The following NCOA6 variants were observed in gnomAD, a reference collection of about 807,000 sequenced individuals.
NCOA6 encodes nuclear receptor coactivator 6.
In NCOA6, 49 loss-of-function variants were observed where a neutral mutation model predicts 171.4. The observed-to-expected ratio is 0.29, with a 90% CI of 0.23 to 0.36. The LOEUF (loss-of-function observed/expected upper bound fraction) is 0.36, where lower values mean the gene tolerates loss of function less well. Ranked by LOEUF, NCOA6 falls within the 10% of genes least tolerant of loss-of-function variation. NCOA6 has a pLI of 1.00. For missense variants in NCOA6, 2,248 were observed against 2,554.5 expected, an observed-to-expected ratio of 0.88 and a Z score of 2.59; for synonymous variants, 910 against 927.5, an observed-to-expected ratio of 0.98 and a Z score of 0.34.
chr20:34,806,438 G>C (rs1270702056), intron 1 of NCOA6, among the ~76,000 whole-genome samples: 1 of 152,074 alleles, frequency 6.6e-6, no homozygotes, highest in Non-Finnish European at 1.5e-5. Flanking sequence ...TTTTGTTTTT[G>C]TTGCCTGTGC....
rs2078737148 is a variant in NCOA6 at position 34,813,458 on chromosome 20, T to G, written c.-164+12014A>C. 3.4e-5 allele frequency among the ~76,000 whole-genome samples: 5 copies of G among 148,700 alleles called. No individual in the cohort carries two copies. In the South Asian group the frequency reaches 1.1e-3, roughly 31 times the overall value. On this transcript the variant is annotated intron_variant, in intron 1 of 14. Coordinates refer to ENST00000359003, the MANE Select transcript of NCOA6 (RefSeq NM_014071.5). ...TCCAGTCTGGGCAACAGAGTGAAAC[T>G]CTGTCTTAAAAAAAAAAAAAAAAGG... is the stretch of plus-strand genomic sequence containing the variant.
Position 34,741,870 on chromosome 20 carries a change from C to A in NCOA6, c.4386G>T (p.Gly1462=). The change falls in exon 11 of 15, where the codon GGG becomes GGT. Residue 1462 remains glycine, a synonymous_variant. Coordinates refer to ENST00000359003, the MANE Select transcript of NCOA6 (RefSeq NM_014071.5). The part of the protein sequence containing the change: ...VVPEDQSKKD[G]QPSDPNKLPS... ...GAAGTTTGTTAGGATCCGAAGGCTGCCCATCCTTTTTGGACTGATCTTCAG... is the reference window on the plus strand; with the variant it reads ...GAAGTTTGTTAGGATCCGAAGGCTGACCATCCTTTTTGGACTGATCTTCAG... 6.2e-7 allele frequency: 1 copy of A among 1,614,160 alleles called. No individual in the cohort carries two copies.
intron 5 of NCOA6, among the ~76,000 whole-genome samples, chr20:34,765,181 G>C (rs914781167): frequency 2.6e-5 from 4 of 151,442 alleles, no homozygotes; most frequent in African/African-American, 7.3e-5. Flanking sequence ...GGCTGGGCGC[G>C]ATGGCTCACA....
intron 1 of NCOA6, among the ~76,000 whole-genome samples, chr20:34,824,673 G>C (rs149963309): frequency 2.6e-5 from 4 of 152,248 alleles, no homozygotes; most frequent in Non-Finnish European, 5.9e-5. Flanking sequence ...GCCAGCTCCT[G>C]CACCCAAACC....
chr20:34,765,249 G>A (rs557454819), intron 5 of NCOA6, among the ~76,000 whole-genome samples: 97 of 151,628 alleles, frequency 6.4e-4, no homozygotes, highest in African/African-American at 2.1e-3. Context: ...TCAGGAGATC[G>A]AGACCATCCT....
rs767019449 is a variant in NCOA6 at position 34,727,438 on chromosome 20, A to G, written c.6000-31T>C. 6.8e-5 allele frequency: 110 copies of G among 1,611,688 alleles called. No individual in the cohort carries two copies. The South Asian group carries it at 1.2e-3, about 17-fold the overall frequency. ...AGAGGGAAGCAAAAAGTTTCCAAGC[A>G]GGTGAGGGAACCAGGCCACACAAAA... On this transcript the variant is annotated intron_variant, in intron 13 of 14. Coordinates refer to ENST00000359003, the MANE Select transcript of NCOA6 (RefSeq NM_014071.5).
intron 9 of NCOA6, among the ~76,000 whole-genome samples, chr20:34,747,618 C>T (rs1295517408): frequency 6.6e-6 from 1 of 152,158 alleles, no homozygotes; most frequent in African/African-American, 2.4e-5. Context: ...AATCTCAGTA[C>T]TAATTGTACT....
intron 4 of NCOA6, among the ~76,000 whole-genome samples, chr20:34,774,859 TAG>T (rs1201548044): frequency 2.0e-5 from 3 of 152,230 alleles, no homozygotes; most frequent in African/African-American, 7.2e-5. Context: ...CTAAAGCTTA[TAG>T]TCTATGGGGA....
Position 34,720,392 on chromosome 20 carries a change from T to C in NCOA6, c.6149-5027A>G, listed in dbSNP as rs565683127. Reference sequence around the variant, plus strand: ...TGGACCAAAGAATGACCAAAAACCATGTGGGCCTTCCTGGACTTGCCCAGA... The same window carrying C: ...TGGACCAAAGAATGACCAAAAACCACGTGGGCCTTCCTGGACTTGCCCAGA... On this transcript the variant is annotated intron_variant, in intron 14 of 14. Transcript: ENST00000359003. 3.9e-5 allele frequency among the ~76,000 whole-genome samples: 6 copies of C among 152,346 alleles called. No individual in the cohort carries two copies. The East Asian group carries it at 1.2e-3, about 29-fold the overall frequency.
intron 4 of NCOA6, among the ~76,000 whole-genome samples, chr20:34,773,600 C>T (rs550832338): frequency 5.3e-5 from 8 of 151,818 alleles, no homozygotes; most frequent in Admixed American, 2.6e-4. Flanking sequence ...CTCGGCTCAC[C>T]GCAACCTCCA....
chr20:34,722,840 C>T (rs1989538113), intron 14 of NCOA6, among the ~76,000 whole-genome samples: 1 of 151,802 alleles, frequency 6.6e-6, no homozygotes, highest in Admixed American at 6.6e-5. Flanking sequence ...AATACACACA[C>T]ACCCACACAC....
chr20:34,769,002 A>G (rs1004004190), intron 4 of NCOA6, among the ~76,000 whole-genome samples: 1 of 152,204 alleles, frequency 6.6e-6, no homozygotes, highest in Non-Finnish European at 1.5e-5. Context: ...GACACTAAAT[A>G]TAAGTAGGTT....
chr20:34,777,116 CAA>C (rs1157021055), intron 3 of NCOA6, among the ~76,000 whole-genome samples: 5 of 43,858 alleles, frequency 1.1e-4, no homozygotes, highest in Admixed American at 4.2e-4. Flanking sequence ...GACTCCGTCT[CAA>C]AAAAAAAAAA....
chr20:34,756,249 T>C (rs2076637280), intron 7 of NCOA6, among the ~76,000 whole-genome samples: 1 of 152,210 alleles, frequency 6.6e-6, no homozygotes, highest in Non-Finnish European at 1.5e-5. Flanking sequence ...CATCCTTGCA[T>C]TTTCTAAGAA....
At chr20:34,818,910 T>C (rs2078923506) in intron 1 of NCOA6, among the ~76,000 whole-genome samples, 1 of 152,226 alleles carries the variant, frequency 6.6e-6, no homozygotes, top group African/African-American at 2.4e-5. Context: ...AGAGTTCTTC[T>C]ACAGTATTTC....
In NCOA6 at chr20:34,784,255, C is replaced by T. The variant is rs77888548; in HGVS notation, c.-49-1851G>A. On this transcript the variant is annotated intron_variant, in intron 2 of 14. Coordinates refer to ENST00000359003, the MANE Select transcript of NCOA6 (RefSeq NM_014071.5). ...TTTTTTAATTTATTTTTTTGAGACACGGTCTTTCTCTGTTGCTGGAATGTA... is the reference window on the plus strand; with the variant it reads ...TTTTTTAATTTATTTTTTTGAGACATGGTCTTTCTCTGTTGCTGGAATGTA... Among the ~76,000 whole-genome samples the T allele has an allele frequency of 6.8e-3, 1,026 of 150,930 alleles. 8 individuals are homozygous for T. Among genetic ancestry groups the T allele is most frequent in the Non-Finnish European group, 0.011 (727 of 67,888 alleles).
chr20:34,816,471 T>C (rs1601158172), intron 1 of NCOA6, among the ~76,000 whole-genome samples: 1 of 151,516 alleles, frequency 6.6e-6, no homozygotes, highest in East Asian at 1.9e-4. Context: ...AAAGATGGAG[T>C]GATGCAGCTA....
chr20:34,743,895 G>A (rs2076226795), intron 10 of NCOA6, among the ~76,000 whole-genome samples: 1 of 152,108 alleles, frequency 6.6e-6, no homozygotes, highest in African/African-American at 2.4e-5. Context: ...TAAAATTCTA[G>A]GATTCAGTTC....
chr20:34,722,515 CA>C (rs1989496405), intron 14 of NCOA6, among the ~76,000 whole-genome samples: 2 of 151,616 alleles, frequency 1.3e-5, no homozygotes, highest in African/African-American at 4.8e-5. Flanking sequence ...CCCATCTCTA[CA>C]AAAAAATTAA....
Sources: allele counts gnomAD v4.1 joint callset (sites outside exome capture counted in the v4.1 genomes callset), GRCh38; gene constraint gnomAD v4.1.1; transcripts MANE v1.5; gene names NCBI Gene and HGNC (gene_info 2026-07-23, HGNC 2026-07-21).